NLRC5: variants seen among roughly 807,000 people sequenced by gnomAD.
NLRC5 encodes protein NLRC5.
In NLRC5, 114 loss-of-function variants were observed where a neutral mutation model predicts 206.9. The observed-to-expected ratio is 0.55, with a 90% CI of 0.47 to 0.64. The LOEUF is 0.64. NLRC5 is among the 30% of genes least tolerant of loss of function. NLRC5 has a pLI of 0.00. For synonymous variants in NLRC5, 952 were observed against 962.8 expected, an observed-to-expected ratio of 0.99 and a Z score of 0.21; for missense variants, 2,008 against 2,305.5, an observed-to-expected ratio of 0.87 and a Z score of 2.64.
intron 11 of NLRC5, among the ~76,000 whole-genome samples, chr16:57,032,833 CAA>C (rs35838664): frequency 2.0e-4 from 24 of 119,258 alleles, no homozygotes; most frequent in African/African-American, 4.9e-4. Context: ...CCCATCTCTA[CAA>C]AAAAAAAAAA....
intron 1 of NLRC5, among the ~76,000 whole-genome samples, chr16:57,007,030 T>C (rs1384482634): frequency 2.6e-5 from 4 of 152,054 alleles, no homozygotes; most frequent in African/African-American, 4.8e-5. Flanking sequence ...TCTATTCTAG[T>C]TTTTAATGTA....
rs767466262 is a variant in NLRC5 at position 57,047,572 on chromosome 16, A to G, written c.3366A>G (p.Pro1122=). 2 of 1,612,404 alleles carry G rather than the reference A, an allele frequency of 1.2e-6. No homozygotes were observed. Among genetic ancestry groups the G allele is most frequent in the South Asian group, 2.2e-5 (2 of 90,692 alleles). ...TCAGTGAGTGTCCTCTGGAGCCCCCAAGCCTCACCCGCCTCTGTGCCACTC... is the reference window on the plus strand; with the variant it reads ...TCAGTGAGTGTCCTCTGGAGCCCCCGAGCCTCACCCGCCTCTGTGCCACTC... ...LCLSECPLEP[P]SLTRLCATLK... is the part of the protein sequence containing the mutation. The change falls in exon 23 of 49, where the codon CCA becomes CCG. Residue 1122 remains proline, a synonymous_variant. Coordinates refer to ENST00000688547, the MANE Select transcript of NLRC5 (RefSeq NM_001384950.1).
rs2064909172 is a variant in NLRC5 at position 57,051,580 on chromosome 16, A to G, written c.3465A>G (p.Leu1155=). Residue 1155 remains leucine, a synonymous_variant, in exon 24 of 49, where the codon CTA becomes CTG. Transcript: ENST00000688547. ...TGAGTGACCAGAGCCTGGAGACTCT[A>G]CTGGACTGCTTACCTCAACTCCCTC... ...EFLSDQSLET[L]LDCLPQLPQL... The G allele has an allele frequency of 6.2e-7, 1 of 1,613,932 alleles. No homozygotes were observed. The highest frequency in any genetic ancestry group is 1.3e-5 in the African/African-American group (1 of 74,888).
At chr16:57,016,825 G>T (rs2060146507) in intron 1 of NLRC5, among the ~76,000 whole-genome samples, 1 of 152,110 alleles carries the variant, frequency 6.6e-6, no homozygotes, top group Admixed American at 6.6e-5. Flanking sequence ...GGAGGAAGAG[G>T]GGCATCCTCT....
chr16:57,011,224 C>A (rs1438362330), intron 1 of NLRC5, among the ~76,000 whole-genome samples: 4 of 151,662 alleles, frequency 2.6e-5, no homozygotes, highest in Non-Finnish European at 5.9e-5. Flanking sequence ...ACCAACCTGA[C>A]CAATATGGTG....
Position 57,082,782 on chromosome 16 carries a change from A to C in NLRC5, c.*254A>C. 2.6e-6 allele frequency: 1 copy of C among 387,948 alleles called. No individual in the cohort carries two copies. The highest frequency in any genetic ancestry group is 4.6e-6 in the Non-Finnish European group (1 of 215,376). The allele number at this position is 387,948 out of a possible 1,614,324, so 24.0% of individuals were successfully genotyped here. Reference sequence around the variant, plus strand: ...ATCAATTGGGGACATGCGACACACAATGAGGGTGTCATGACAATGCATGAC... The same window carrying C: ...ATCAATTGGGGACATGCGACACACACTGAGGGTGTCATGACAATGCATGAC... On this transcript the variant is annotated 3_prime_UTR_variant, in exon 49 of 49. Coordinates refer to ENST00000688547, the MANE Select transcript of NLRC5 (RefSeq NM_001384950.1).
chr16:57,058,009 C>T, intron 27 of NLRC5, 56 bp from the exon 28 acceptor site: 4 of 1,396,734 alleles, frequency 2.9e-6, no homozygotes, highest in Non-Finnish European at 4.0e-6. Flanking sequence ...GACTGAGGAG[C>T]ATCTCAGGCT....
At chr16:57,032,610 T>C (rs2062006665) in intron 11 of NLRC5, among the ~76,000 whole-genome samples, 1 of 152,048 alleles carries the variant, frequency 6.6e-6, no homozygotes, top group South Asian at 2.1e-4. Context: ...TTAGTCACAT[T>C]AGCTATATTT....
intron 5 of NLRC5, among the ~76,000 whole-genome samples, chr16:57,024,652 A>T (rs1298117714): frequency 6.6e-6 from 1 of 152,210 alleles, no homozygotes; most frequent in Non-Finnish European, 1.5e-5. Context: ...GGCATTGCAG[A>T]ACTGAAATAT....
At position 57,059,448 on chromosome 16, in the gene NLRC5, C is replaced by G; in HGVS notation, c.3921-19C>G. On this transcript the variant is annotated intron_variant, in intron 29 of 48. Coordinates refer to ENST00000688547, the MANE Select transcript of NLRC5 (RefSeq NM_001384950.1). ...GGCATGTCTGGGCACCGTGCTTCCCCAGGCCCTTCTCTCTGCAGCCTGGGC... is the reference window on the plus strand; with the variant it reads ...GGCATGTCTGGGCACCGTGCTTCCCGAGGCCCTTCTCTCTGCAGCCTGGGC... The G allele has an allele frequency of 6.3e-7, 1 of 1,599,252 alleles. No individual in the cohort carries two copies. Among genetic ancestry groups the G allele is most frequent in the Non-Finnish European group, 8.5e-7 (1 of 1,172,794 alleles).
Position 57,013,646 on chromosome 16 carries a change from A to C in NLRC5, c.-127-3428A>C. 3 of 954,800 alleles carry C rather than the reference A, an allele frequency of 3.1e-6. No homozygotes were observed. The South Asian group carries it at 3.9e-5, about 12-fold the overall frequency. The allele number at this position is 954,800 out of a possible 1,614,324, so 59.1% of individuals were successfully genotyped here. A position where few individuals can be genotyped will look rare whatever the true frequency, so the allele number is the denominator to read the frequency against. ...GGCCATTGTTTTTGCCAATCCTCCA[A>C]CTTCAGCCATTTGAATCTTGTATGA... On this transcript the variant is annotated intron_variant, in intron 1 of 48. Transcript: ENST00000688547.
At chr16:57,049,555 G>A (rs982825135) in intron 23 of NLRC5, among the ~76,000 whole-genome samples, 1 of 151,982 alleles carries the variant, frequency 6.6e-6, no homozygotes, top group African/African-American at 2.4e-5. Context: ...GGCCAACATA[G>A]TGAAACCCCA....
At chr16:57,004,329 C>T (rs561644356) in intron 1 of NLRC5, among the ~76,000 whole-genome samples, 5 of 152,304 alleles carry the variant, frequency 3.3e-5, no homozygotes, top group African/African-American at 9.6e-5. Context: ...TGCCCAGGCT[C>T]GTCTCGCCAA....
At chr16:56,995,733 G>A (rs571303311) in intron 1 of NLRC5, among the ~76,000 whole-genome samples, 4 of 152,276 alleles carry the variant, frequency 2.6e-5, no homozygotes, top group Admixed American at 2.0e-4. Context: ...AGATCTTACC[G>A]TGGCATCATG....
chr16:57,028,443 A>AGGGG, intron 8 of NLRC5, 58 bp downstream of exon 8: 6 of 1,377,376 alleles, frequency 4.4e-6, no homozygotes, highest in South Asian at 1.2e-5. Context: ...CCCAGGTCCC[A>AGGGG]GAGTCCCCCT....
intron 32 of NLRC5, among the ~76,000 whole-genome samples, chr16:57,063,808 G>C (rs903134376): frequency 5.7e-4 from 86 of 151,778 alleles, no homozygotes; most frequent in African/African-American, 2.1e-3. Context: ...GTGCGATCTC[G>C]GCTCACTGCA....
Position 57,065,394 on chromosome 16 carries a change from T to G in NLRC5, c.4241+96T>G, listed in dbSNP as rs1373663586. On this transcript the variant is annotated intron_variant, in intron 33 of 48. Transcript: ENST00000688547. The stretch of plus-strand genomic sequence containing the variant: ...CCCTCATCCTGTGGGGTAATAGCTG[T>G]GTCACCAGCTAGTTTTCCATGTCCC... 8 of 783,458 alleles carry G rather than the reference T, an allele frequency of 1.0e-5. No individual in the cohort carries two copies. The African/African-American group carries it at 1.1e-4, about 11-fold the overall frequency. The allele number at this position is 783,458 out of a possible 1,614,324, so 48.5% of individuals were successfully genotyped here.
At chr16:57,075,368 T>G (rs1391804822) in intron 39 of NLRC5, among the ~76,000 whole-genome samples, 1 of 152,180 alleles carries the variant, frequency 6.6e-6, no homozygotes, top group Non-Finnish European at 1.5e-5. Context: ...TATAGGCATG[T>G]GCCACCACGC....
chr16:57,030,079 G>A lies in NLRC5; in HGVS notation c.2412G>A (p.Gln804=). 1.2e-6 allele frequency: 2 copies of A among 1,613,942 alleles called. No homozygotes were observed. The highest frequency in any genetic ancestry group is 8.5e-7 in the Non-Finnish European group (1 of 1,179,858). ...AVTCPTVRML[Q]AREADLIFLL... ...CGTGTCCTACCGTCAGGATGCTTCA[G>A]GCCAGGTGAGCAGAAGGAAAGGGAT... The change falls in exon 10 of 49, where the codon CAG becomes CAA. Residue 804 remains glutamine, a synonymous_variant. Coordinates refer to ENST00000688547, the MANE Select transcript of NLRC5 (RefSeq NM_001384950.1).
Sources: allele counts gnomAD v4.1 joint callset (sites outside exome capture counted in the v4.1 genomes callset), GRCh38; gene constraint gnomAD v4.1.1; transcripts MANE v1.5; gene names NCBI Gene and HGNC (gene_info 2026-07-23, HGNC 2026-07-21).